PACC1: variants seen among roughly 807,000 people sequenced by gnomAD.
PACC1 encodes the protein proton activated chloride channel 1.
A neutral mutation model predicts 39.7 loss-of-function variants in PACC1; 34 were observed. The observed-to-expected ratio is 0.86, with a 90% CI of 0.65 to 1.14. PACC1 has a LOEUF of 1.14. PACC1 is among the 50% of genes most tolerant of loss of function. The probability of loss-of-function intolerance (pLI) is 0.00; values close to 1 mark genes in which losing one functional copy is unlikely to be tolerated. For synonymous variants in PACC1, 127 were observed against 160.6 expected (o/e 0.79, Z 1.58); for missense variants, 379 against 436.4 (o/e 0.87, Z 1.17).
chr1:212,397,774 G>A lies in PACC1; in HGVS notation c.134-10674C>T, dbSNP rs138007860. Among the ~76,000 whole-genome samples the A allele has an allele frequency of 6.3e-3, 959 of 152,326 alleles. 8 individuals are homozygous for A. Among genetic ancestry groups the A allele is most frequent in the Middle Eastern group, 0.017 (5 of 294 alleles). ...CAGTTATCAGCAAAGACTCTGTGGA[G>A]GGGGTCATGTTAGTTCTGCACCTAA... On this transcript the variant is annotated intron_variant, in intron 2 of 7. Transcript: ENST00000261455.
chr1:212,384,541 T>A (rs975371356), intron 4 of PACC1, among the ~76,000 whole-genome samples: 3 of 152,214 alleles, frequency 2.0e-5, no homozygotes, highest in African/African-American at 7.2e-5. Context: ...TAGGTCATGG[T>A]GCAATTTCCT....
chr1:212,407,877 C>T (rs1310091562), intron 2 of PACC1, among the ~76,000 whole-genome samples: 1 of 152,074 alleles, frequency 6.6e-6, no homozygotes, highest in African/African-American at 2.4e-5. Context: ...GGGTTTGAGA[C>T]CAGCCTGGCC....
intron 7 of PACC1, among the ~76,000 whole-genome samples, chr1:212,373,724 T>C (rs542468137): frequency 1.3e-5 from 2 of 152,228 alleles, no homozygotes; most frequent in African/African-American, 4.8e-5. Flanking sequence ...AAGATGATAT[T>C]CAAATGGCCA....
rs977377348 is a variant in PACC1, at chr1:212,410,564, C to T, written c.37-43G>A. The T allele has an allele frequency of 3.2e-6, 5 of 1,571,396 alleles. No homozygotes were observed. The Admixed American group carries it at 8.3e-5, about 26-fold the overall frequency. On this transcript the variant is annotated intron_variant, in intron 1 of 7. Coordinates refer to ENST00000261455, the MANE Select transcript of PACC1 (RefSeq NM_018252.3). ...GAGAGCAAAGACAAGTCAGCTATGTCAGCCTTGCTTTTCTACACTAGAATA... is the reference window on the plus strand; with the variant it reads ...GAGAGCAAAGACAAGTCAGCTATGTTAGCCTTGCTTTTCTACACTAGAATA...
At chr1:212,403,061 G>A (rs1661774556) in intron 2 of PACC1, among the ~76,000 whole-genome samples, 1 of 152,056 alleles carries the variant, frequency 6.6e-6, no homozygotes, top group Non-Finnish European at 1.5e-5. Context: ...TTAACCAAGG[G>A]TTTTCCTCAG....
chr1:212,399,851 C>CA (rs1661652617), intron 2 of PACC1, among the ~76,000 whole-genome samples: 1 of 149,766 alleles, frequency 6.7e-6, no homozygotes, highest in African/African-American at 2.5e-5. Flanking sequence ...ACCTGGAAAA[C>CA]TTTTTTTTTT....
intron 7 of PACC1, among the ~76,000 whole-genome samples, chr1:212,369,410 G>A (rs187960058): frequency 1.3e-5 from 2 of 152,288 alleles, no homozygotes; most frequent in East Asian, 3.9e-4. Context: ...CACAGTTGCT[G>A]AATTTATTAA....
At chr1:212,408,791 C>T (rs1662018896) in intron 2 of PACC1, among the ~76,000 whole-genome samples, 1 of 152,236 alleles carries the variant, frequency 6.6e-6, no homozygotes, top group African/African-American at 2.4e-5. Context: ...ATTCACTCAA[C>T]AAATCTTTAT....
intron 2 of PACC1, among the ~76,000 whole-genome samples, chr1:212,398,556 G>A (rs1381837431): frequency 1.3e-5 from 2 of 152,190 alleles, no homozygotes; most frequent in African/African-American, 4.8e-5. Flanking sequence ...CTACAGGTAC[G>A]AGGATAAGTG....
intron 2 of PACC1, among the ~76,000 whole-genome samples, chr1:212,390,975 C>T (rs1661297195): frequency 6.6e-6 from 1 of 151,388 alleles, no homozygotes; most frequent in African/African-American, 2.4e-5. Context: ...CACCGCAGCT[C>T]AAGGAGGCCT....
At chr1:212,372,313 A>C (rs11804839) in intron 7 of PACC1, among the ~76,000 whole-genome samples, 17,547 of 151,478 alleles carry the variant, frequency 0.12, 2,595 homozygotes, top group African/African-American at 0.35. Flanking sequence ...AAAAAACAAA[A>C]AAAAAACAAA....
chr1:212,385,598 C>T (rs754903714), intron 3 of PACC1, among the ~76,000 whole-genome samples, 173 bp from the exon 4 acceptor site: 1 of 152,118 alleles, frequency 6.6e-6, no homozygotes, highest in South Asian at 2.1e-4. Flanking sequence ...CCTCAGAAAG[C>T]CCCGCTGTAG....
At chr1:212,380,186 G>A in intron 4 of PACC1, 149 bp from the exon 5 acceptor site, 3 of 777,454 alleles carry the variant, frequency 3.9e-6, no homozygotes, top group Non-Finnish European at 6.0e-6. Context: ...ACTGGGCTGG[G>A]ACTCATGCTC....
intron 4 of PACC1, among the ~76,000 whole-genome samples, chr1:212,380,965 A>C (rs1013412718): frequency 6.6e-6 from 1 of 152,262 alleles, no homozygotes; most frequent in South Asian, 2.1e-4. Flanking sequence ...CTTTTACATC[A>C]ACTTTTATAA....
At chr1:212,376,899 G>GAA (rs1238181021) in intron 6 of PACC1, 1 of 152,176 alleles carries the variant, frequency 6.6e-6, no homozygotes, top group East Asian at 1.9e-4. Context: ...GATACAAGAA[G>GAA]AAAAGACTAG....
At chr1:212,414,128 T>C in intron 1 of PACC1, 1 of 1,479,240 alleles carries the variant, frequency 6.8e-7, no homozygotes. Context: ...AGTGATAAAG[T>C]CGTGGGAGGA....
intron 5 of PACC1, among the ~76,000 whole-genome samples, chr1:212,379,482 C>T (rs1248965129): frequency 6.6e-6 from 1 of 152,176 alleles, no homozygotes; most frequent in African/African-American, 2.4e-5. Flanking sequence ...GTATTTCAGG[C>T]AAACATACAT....
chr1:212,410,829 C>T (rs1394658934), intron 1 of PACC1, among the ~76,000 whole-genome samples: 1 of 152,208 alleles, frequency 6.6e-6, no homozygotes, highest in Non-Finnish European at 1.5e-5. Flanking sequence ...GCAGGGTTGG[C>T]TCCTTCTTCT....
intron 2 of PACC1, among the ~76,000 whole-genome samples, chr1:212,396,852 T>C (rs77914594): frequency 2.1e-3 from 294 of 141,342 alleles, no homozygotes; most frequent in East Asian, 0.013. Context: ...ATCTATCTAT[T>C]ACATATAGAG....
Sources: gnomAD v4.1 joint callset for allele counts (sites outside exome capture counted in the v4.1 genomes callset) on GRCh38, gnomAD v4.1.1 for gene constraint, MANE v1.5 for transcripts, NCBI Gene and HGNC (gene_info 2026-07-23, HGNC 2026-07-21) for gene names.